BMAL1: variants seen among roughly 807,000 people sequenced by gnomAD.
The protein encoded by BMAL1 is basic helix-loop-helix ARNT like 1.
chr11:13,354,317 C>A, the BMAL1 span: 1 of 1,602,964 alleles, frequency 6.2e-7, no homozygotes, highest in African/African-American at 1.3e-5. Flanking sequence ...CAATGGCAGA[C>A]CAGAGAATGG....
chr11:13,341,450 CG>C, the BMAL1 span, among the ~76,000 whole-genome samples: 2 of 152,194 alleles, frequency 1.3e-5, no homozygotes, highest in Non-Finnish European at 2.9e-5. Context: ...TTCTTCACTG[CG>C]TCTCGGCCTG....
At chr11:13,325,662 T>TGTGTGTGC in the BMAL1 span, among the ~76,000 whole-genome samples, 1 of 149,218 alleles carries the variant, frequency 6.7e-6, no homozygotes, top group Admixed American at 6.7e-5. Context: ...ACCTTTTGTG[T>TGTGTGTGC]GTGTGTGTGT....
chr11:13,284,785 G>C, the BMAL1 span, among the ~76,000 whole-genome samples: 1 of 152,136 alleles, frequency 6.6e-6, no homozygotes, highest in East Asian at 1.9e-4. Context: ...CCAGATGACA[G>C]GCCAGCTTTG....
chr11:13,373,944 C>T, the BMAL1 span: 1 of 613,420 alleles, frequency 1.6e-6, no homozygotes, highest in East Asian at 2.8e-5. Flanking sequence ...GAAAGATCCA[C>T]ACAGTGAGCC....
chr11:13,321,401 C>T, the BMAL1 span, among the ~76,000 whole-genome samples: 3 of 152,060 alleles, frequency 2.0e-5, no homozygotes, highest in Admixed American at 6.6e-5. Flanking sequence ...ATGGGCTGCC[C>T]GTTCTTTCTT....
the BMAL1 span, among the ~76,000 whole-genome samples, chr11:13,296,428 G>C: frequency 2.6e-5 from 4 of 152,190 alleles, no homozygotes; most frequent in African/African-American, 9.7e-5. Context: ...ATTTTAACCA[G>C]AGAGTAAGTC....
chr11:13,331,892 C>T, the BMAL1 span, among the ~76,000 whole-genome samples: 1 of 152,122 alleles, frequency 6.6e-6, no homozygotes, highest in African/African-American at 2.4e-5. Context: ...GTGAAAGCCT[C>T]TGGAGAAGTC....
At chr11:13,292,556 AAAAT>A in the BMAL1 span, among the ~76,000 whole-genome samples, 1 of 21,560 alleles carries the variant, frequency 4.6e-5, no homozygotes, top group African/African-American at 1.0e-4. Flanking sequence ...CAAAAAAAAA[AAAAT>A]AAAATAAAAT....
the BMAL1 span, among the ~76,000 whole-genome samples, chr11:13,322,212 C>T: frequency 2.0e-5 from 3 of 152,144 alleles, no homozygotes; most frequent in Admixed American, 6.5e-5. Flanking sequence ...GAAGGAACGT[C>T]GGCTTCCTTC....
At chr11:13,382,740 A>T in the BMAL1 span, among the ~76,000 whole-genome samples, 1 of 152,154 alleles carries the variant, frequency 6.6e-6, no homozygotes, top group Non-Finnish European at 1.5e-5. Context: ...ATATTACTCA[A>T]AGAACTTTCA....
At chr11:13,349,062 C>T in the BMAL1 span, among the ~76,000 whole-genome samples, 1 of 152,196 alleles carries the variant, frequency 6.6e-6, no homozygotes, top group Non-Finnish European at 1.5e-5. Context: ...CACAGGAATC[C>T]TCCACATGAG....
the BMAL1 span, among the ~76,000 whole-genome samples, chr11:13,345,664 A>G: frequency 6.6e-6 from 1 of 152,174 alleles, no homozygotes; most frequent in Admixed American, 6.5e-5. Flanking sequence ...CCTGGGTTTC[A>G]TCCCCACTTG....
the BMAL1 span, among the ~76,000 whole-genome samples, chr11:13,302,260 G>A: frequency 2.0e-5 from 3 of 152,170 alleles, no homozygotes; most frequent in Admixed American, 2.0e-4. Flanking sequence ...AAGCTGTGAG[G>A]GCCTCGGGAG....
the BMAL1 span, among the ~76,000 whole-genome samples, chr11:13,311,109 G>A: frequency 6.6e-6 from 1 of 152,204 alleles, no homozygotes; most frequent in African/African-American, 2.4e-5. Flanking sequence ...TAGATGTTGG[G>A]GGTGGAAAGG....
At chr11:13,341,416 C>T in the BMAL1 span, among the ~76,000 whole-genome samples, 1 of 152,226 alleles carries the variant, frequency 6.6e-6, no homozygotes, top group Non-Finnish European at 1.5e-5. Context: ...ATTCCCCCCA[C>T]ATTCTCAAAG....
the BMAL1 span, among the ~76,000 whole-genome samples, chr11:13,383,577 A>T: frequency 6.6e-6 from 1 of 152,192 alleles, no homozygotes; most frequent in Non-Finnish European, 1.5e-5. Context: ...GGCTAGGTGC[A>T]GTGGCTCACC....
the BMAL1 span, among the ~76,000 whole-genome samples, chr11:13,321,996 C>G: frequency 6.6e-6 from 1 of 152,122 alleles, no homozygotes; most frequent in Admixed American, 6.5e-5. Flanking sequence ...CCTAGGGACC[C>G]TGCCTACTGC....
the BMAL1 span, among the ~76,000 whole-genome samples, chr11:13,361,208 A>G: frequency 6.6e-6 from 1 of 152,186 alleles, no homozygotes; most frequent in Admixed American, 6.5e-5. Context: ...CTGTCTTGCT[A>G]AATCTCTGCT....
At chr11:13,367,921 AG>A in the BMAL1 span, among the ~76,000 whole-genome samples, 1 of 152,202 alleles carries the variant, frequency 6.6e-6, no homozygotes, top group South Asian at 2.1e-4. Flanking sequence ...CCTAGCACAT[AG>A]TAAGAACAGT....
Sources: gnomAD v4.1 joint callset for allele counts (sites outside exome capture counted in the v4.1 genomes callset) on GRCh38, gnomAD v4.1.1 for gene constraint, MANE v1.5 for transcripts, NCBI Gene and HGNC (gene_info 2026-07-23, HGNC 2026-07-21) for gene names.